Variants in PALM2AKAP2 observed in about 807,000 individuals in gnomAD.
PALM2AKAP2 encodes PALM2 and AKAP2 fusion.
PALM2AKAP2 carries 37 observed loss-of-function variants against 71.5 expected under a neutral mutation model. The observed-to-expected ratio is 0.52, with a 90% confidence interval of 0.40 to 0.68. The LOEUF (loss-of-function observed/expected upper bound fraction) is 0.68, where lower values mean the gene tolerates loss of function less well. Among genes scored for constraint, PALM2AKAP2 ranks in the 30% least tolerant of loss-of-function variants. The pLI is 0.00. For synonymous variants in PALM2AKAP2, 468 were observed against 478.8 expected (o/e 0.98, Z 0.29); for missense variants, 1,224 against 1,191.8 (o/e 1.03, Z -0.40).
intron 1 of PALM2AKAP2, among the ~76,000 whole-genome samples, chr9:110,132,367 T>C (rs1258866609): frequency 3.3e-5 from 5 of 151,718 alleles, no homozygotes; most frequent in Admixed American, 6.6e-5. Context: ...CTTCTTTTTT[T>C]TTTTTCTTTT....
intron 1 of PALM2AKAP2, among the ~76,000 whole-genome samples, chr9:109,830,001 G>T (rs1587940551): frequency 6.6e-6 from 1 of 152,156 alleles, no homozygotes; most frequent in Non-Finnish European, 1.5e-5. Flanking sequence ...GGTGGGAGAT[G>T]CATGAATTAC....
chr9:110,017,326 T>C (rs1832999752), intron 7 of PALM2AKAP2, among the ~76,000 whole-genome samples: 1 of 152,248 alleles, frequency 6.6e-6, no homozygotes, highest in Non-Finnish European at 1.5e-5. Context: ...ATAGTAAAGC[T>C]AAATGAAAGA....
At chr9:109,943,567 AT>A in intron 6 of PALM2AKAP2, 29 of 1,228,202 alleles carry the variant, frequency 2.4e-5, no homozygotes, top group African/African-American at 3.0e-5. Flanking sequence ...GATCTCTCTC[AT>A]TTTTTTTCCT....
chr9:109,852,305 G>A (rs1317976058), intron 1 of PALM2AKAP2, among the ~76,000 whole-genome samples: 1 of 152,036 alleles, frequency 6.6e-6, no homozygotes, highest in Admixed American at 6.5e-5. Context: ...TCCCACCTTT[G>A]TGTCTGTGTG....
chr9:109,675,472 G>A lies in PALM2AKAP2; in HGVS notation c.5+34606G>A, dbSNP rs1462733749. Among the ~76,000 whole-genome samples the A allele has an allele frequency of 1.3e-5, 2 of 152,136 alleles. 1 individual carries two copies. Among genetic ancestry groups the A allele is most frequent in the Non-Finnish European group, 2.9e-5 (2 of 67,992 alleles). On this transcript the variant is annotated intron_variant, in intron 1 of 6. Coordinates refer to the PALM2AKAP2 transcript ENST00000374531. Reference sequence around the variant, plus strand: ...CCAATCTAATATAATAATTGGAAAAGTTCTGAGTAGGCAAAAGTTGCCTCC... The same window carrying A: ...CCAATCTAATATAATAATTGGAAAAATTCTGAGTAGGCAAAAGTTGCCTCC...
intron 1 of PALM2AKAP2, among the ~76,000 whole-genome samples, chr9:109,743,962 T>C: frequency 6.6e-6 from 1 of 152,256 alleles, no homozygotes; most frequent in East Asian, 1.9e-4. Context: ...TATGTTCTAT[T>C]TGGCCTTTAA....
chr9:109,768,149 A>C (rs1829193693), intron 1 of PALM2AKAP2, among the ~76,000 whole-genome samples: 1 of 151,464 alleles, frequency 6.6e-6, no homozygotes, highest in Non-Finnish European at 1.5e-5. Flanking sequence ...GAAGGAAAGA[A>C]GGAAGGAGGA....
At chr9:110,071,879 CAT>C (rs1834215238) in intron 1 of PALM2AKAP2, among the ~76,000 whole-genome samples, 1 of 152,126 alleles carries the variant, frequency 6.6e-6, no homozygotes, top group Non-Finnish European at 1.5e-5. Context: ...AGGACTTGTT[CAT>C]ATATGTACAA....
intron 1 of PALM2AKAP2, among the ~76,000 whole-genome samples, chr9:109,822,222 AT>A (rs920311843): frequency 2.0e-5 from 3 of 151,852 alleles, no homozygotes; most frequent in Non-Finnish European, 4.4e-5. Context: ...AAGTCACTAG[AT>A]TTTTTTTCTC....
chr9:110,098,691 G>A lies in PALM2AKAP2; in HGVS notation c.157-37436G>A, dbSNP rs568699798. ...ACTGTCAGGGATCCAAATGAAGATC[G>A]CAATCCAGATTGGAAACTAAAGTCA... On this transcript the variant is annotated intron_variant, in intron 1 of 3. Transcript: ENST00000374525. 1.9e-4 allele frequency among the ~76,000 whole-genome samples: 29 copies of A among 152,242 alleles called. 1 individual carries two copies. In the South Asian group the frequency reaches 5.0e-3, roughly 26 times the overall value.
intron 1 of PALM2AKAP2, among the ~76,000 whole-genome samples, chr9:109,658,531 A>G (rs1428753445): frequency 2.6e-5 from 4 of 152,222 alleles, no homozygotes; most frequent in Non-Finnish European, 5.9e-5. Context: ...GCAAACTAGA[A>G]ATAGAAGAAA....
At chr9:110,094,055 T>C (rs1453759324) in intron 1 of PALM2AKAP2, among the ~76,000 whole-genome samples, 2 of 152,170 alleles carry the variant, frequency 1.3e-5, no homozygotes, top group Non-Finnish European at 2.9e-5. Context: ...ATATCCTTCA[T>C]ACAGCACACA....
intron 7 of PALM2AKAP2, among the ~76,000 whole-genome samples, chr9:110,028,507 A>G (rs547097042): frequency 3.3e-5 from 5 of 152,322 alleles, no homozygotes; most frequent in African/African-American, 1.2e-4. Flanking sequence ...AACTGTTATT[A>G]ATCCCATTCT....
At chr9:109,919,896 G>A (rs1187554390) in intron 3 of PALM2AKAP2, among the ~76,000 whole-genome samples, 3 of 152,126 alleles carry the variant, frequency 2.0e-5, no homozygotes, top group Admixed American at 6.5e-5. Context: ...CCACACTTCT[G>A]TGAGTAGGCT....
intron 6 of PALM2AKAP2, among the ~76,000 whole-genome samples, chr9:110,014,319 A>T (rs1474638627): frequency 6.6e-6 from 1 of 152,198 alleles, no homozygotes; most frequent in African/African-American, 2.4e-5. Flanking sequence ...AATCTTTTTA[A>T]TACATTAGGT....
intron 1 of PALM2AKAP2, among the ~76,000 whole-genome samples, chr9:109,745,924 C>A (rs1372558297): frequency 6.6e-6 from 1 of 152,174 alleles, no homozygotes; most frequent in Non-Finnish European, 1.5e-5. Context: ...CCCTTCATCC[C>A]ATTAAAAAGG....
chr9:109,655,903 A>G (rs557605513), intron 1 of PALM2AKAP2, among the ~76,000 whole-genome samples: 2 of 152,262 alleles, frequency 1.3e-5, no homozygotes, highest in African/African-American at 2.4e-5. Context: ...ACACTGGTGT[A>G]CAAGTATGTG....
intron 1 of PALM2AKAP2, among the ~76,000 whole-genome samples, chr9:109,821,597 T>G (rs940534176): frequency 1.3e-5 from 2 of 152,176 alleles, no homozygotes; most frequent in Non-Finnish European, 2.9e-5. Context: ...GAAAGGCATG[T>G]TTCTGCCTTC....
chr9:109,942,127 G>A (rs1052666885), intron 6 of PALM2AKAP2, among the ~76,000 whole-genome samples: 1 of 152,158 alleles, frequency 6.6e-6, no homozygotes, highest in Admixed American at 6.5e-5. Context: ...AGTACTCACA[G>A]GGCACATAAT....
Sources: gnomAD v4.1 joint callset for allele counts (sites outside exome capture counted in the v4.1 genomes callset) on GRCh38, gnomAD v4.1.1 for gene constraint, MANE v1.5 for transcripts, NCBI Gene and HGNC (gene_info 2026-07-23, HGNC 2026-07-21) for gene names.